Variants in BMPR1B observed in about 807,000 individuals in gnomAD.
The protein encoded by BMPR1B is bone morphogenetic protein receptor type-1B.
A neutral mutation model predicts 59.1 loss-of-function variants in BMPR1B; 12 were observed. The ratio of observed to expected loss-of-function variants is 0.20; its 90% confidence interval spans 0.13 to 0.33. The LOEUF is 0.33. Among genes scored for constraint, BMPR1B ranks in the 10% least tolerant of loss-of-function variants. The pLI is 1.00. For missense variants in BMPR1B, 550 were observed against 610.9 expected (o/e 0.90, Z 1.05); for synonymous variants, 237 against 207.3 (o/e 1.14, Z -1.23).
chr4:95,110,573 A>G (rs1019037612), intron 4 of BMPR1B, among the ~76,000 whole-genome samples: 1 of 152,170 alleles, frequency 6.6e-6, no homozygotes, highest in Non-Finnish European at 1.5e-5. Context: ...GGAATCCATC[A>G]TCTAAGATGA....
intron 1 of BMPR1B, among the ~76,000 whole-genome samples, chr4:94,818,314 A>G (rs772277427): frequency 5.9e-5 from 9 of 152,308 alleles, no homozygotes; most frequent in East Asian, 1.9e-4. Context: ...AGTATCTTAT[A>G]TATCTAATTC....
chr4:95,039,751 T>A (rs1476234441), intron 3 of BMPR1B, among the ~76,000 whole-genome samples: 1 of 152,118 alleles, frequency 6.6e-6, no homozygotes, highest in African/African-American at 2.4e-5. Context: ...CTTAAAACAT[T>A]ATGAGATTTT....
chr4:95,040,300 G>C (rs1725562424), intron 3 of BMPR1B, among the ~76,000 whole-genome samples: 1 of 152,184 alleles, frequency 6.6e-6, no homozygotes, highest in South Asian at 2.1e-4. Flanking sequence ...GTTTAGATAA[G>C]AGTGATACTT....
chr4:94,924,042 G>C (rs760508436), intron 2 of BMPR1B, among the ~76,000 whole-genome samples: 6 of 152,086 alleles, frequency 3.9e-5, no homozygotes, highest in Non-Finnish European at 8.8e-5. Context: ...TTGGGGGACT[G>C]TGATGTTCTC....
intron 2 of BMPR1B, among the ~76,000 whole-genome samples, chr4:94,910,193 C>T (rs954405518): frequency 6.6e-6 from 1 of 152,110 alleles, no homozygotes; most frequent in African/African-American, 2.4e-5. Flanking sequence ...TGCCTTGCAA[C>T]ACTAAGGTAG....
rs553999653 is a variant in BMPR1B at position 95,017,446 on chromosome 4, A to G, written c.-18+21312A>G. On this transcript the variant is annotated intron_variant, in intron 3 of 12. Coordinates refer to ENST00000515059, the MANE Select transcript of BMPR1B (RefSeq NM_001203.3). ...CTCTGCATGTTCATATCTAAAAGCA[A>G]TGTTAGTGTGGGCCATATGGGGCCT... 2.0e-4 allele frequency among the ~76,000 whole-genome samples: 31 copies of G among 152,294 alleles called. No individual in the cohort carries two copies. The South Asian group carries it at 3.5e-3, about 17-fold the overall frequency.
At chr4:95,023,735 G>T (rs2149140799) in intron 3 of BMPR1B, among the ~76,000 whole-genome samples, 1 of 152,108 alleles carries the variant, frequency 6.6e-6, no homozygotes, top group South Asian at 2.1e-4. Context: ...CAGATTTTTG[G>T]GTTCCCCAGC....
chr4:95,018,810 A>G (rs547878688), intron 3 of BMPR1B, among the ~76,000 whole-genome samples: 1 of 152,268 alleles, frequency 6.6e-6, no homozygotes, highest in South Asian at 2.1e-4. Context: ...TGGAACCTGA[A>G]CTGGAAGAGT....
rs70946577 is a variant in BMPR1B, at chr4:94,999,427, C to CGTGTGTGT, written c.-18+3310_-18+3317dup. Among the ~76,000 whole-genome samples the CGTGTGTGT allele has an allele frequency of 4.7e-5, 7 of 148,508 alleles. No homozygotes were observed. The South Asian group carries it at 1.3e-3, about 27-fold the overall frequency. On this transcript the variant is annotated intron_variant, in intron 3 of 12. Transcript: ENST00000515059. ...TTTTCTAGGACCAATCAGTGTTGTGCGTGTGTGTGTGTGTGTGTGTGTGTA... is the reference window on the plus strand; with the variant it reads ...TTTTCTAGGACCAATCAGTGTTGTGCGTGTGTGTGTGTGTGTGTGTGTGTGTGTGTGTA...
chr4:94,920,878 T>G (rs1043929498), intron 2 of BMPR1B, among the ~76,000 whole-genome samples: 1 of 152,166 alleles, frequency 6.6e-6, no homozygotes, highest in African/African-American at 2.4e-5. Context: ...AACTAAATAT[T>G]TTTATGTGTT....
intron 2 of BMPR1B, among the ~76,000 whole-genome samples, chr4:94,941,498 A>G (rs1239059296): frequency 6.6e-6 from 1 of 152,168 alleles, no homozygotes; most frequent in African/African-American, 2.4e-5. Flanking sequence ...GCAGTTGAAA[A>G]TAGTACAGTT....
At chr4:94,812,587 A>G (rs1324950230) in intron 1 of BMPR1B, among the ~76,000 whole-genome samples, 1 of 152,212 alleles carries the variant, frequency 6.6e-6, no homozygotes, top group Non-Finnish European at 1.5e-5. Flanking sequence ...CATTATATCA[A>G]TGAGATAATC....
chr4:95,023,046 T>C (rs1317073131), intron 3 of BMPR1B, among the ~76,000 whole-genome samples: 3 of 152,168 alleles, frequency 2.0e-5, no homozygotes, highest in Non-Finnish European at 2.9e-5. Context: ...ATACAGTACA[T>C]CTTTTTTTTA....
At chr4:95,121,828 A>G (rs1732552442) in intron 6 of BMPR1B, among the ~76,000 whole-genome samples, 1 of 152,198 alleles carries the variant, frequency 6.6e-6, no homozygotes, top group Non-Finnish European at 1.5e-5. Context: ...GTATGAAAAG[A>G]CTTAAAATAT....
intron 8 of BMPR1B, among the ~76,000 whole-genome samples, chr4:95,128,104 T>G (rs113993188): frequency 0.038 from 5,819 of 152,152 alleles, 167 homozygotes; most frequent in Middle Eastern, 0.099. Context: ...CAGGCTGGTC[T>G]TGAACTCCTG....
At chr4:94,855,995 C>T (rs967443252) in intron 1 of BMPR1B, among the ~76,000 whole-genome samples, 4 of 152,136 alleles carry the variant, frequency 2.6e-5, no homozygotes, top group African/African-American at 9.7e-5. Context: ...ACAGCCTCTT[C>T]CAGTTTTCTG....
chr4:94,876,148 T>C (rs1464940095), intron 2 of BMPR1B, among the ~76,000 whole-genome samples: 4 of 152,230 alleles, frequency 2.6e-5, no homozygotes, highest in Admixed American at 6.5e-5. Flanking sequence ...TGCTTTTCAT[T>C]TGAAATGTTG....
Position 95,129,342 on chromosome 4 carries a change from A to G in BMPR1B, c.586-520A>G, listed in dbSNP as rs1378325351. Among the ~76,000 whole-genome samples the G allele has an allele frequency of 2.6e-5, 4 of 151,864 alleles. No individual in the cohort carries two copies. The East Asian group carries it at 5.8e-4, about 22-fold the overall frequency. ...CTTTGCCCAGACGGCAGCTTGGTTT[A>G]TCGTTCCCTGGTCTGGTCTCAACTC... is the stretch of plus-strand genomic sequence containing the variant. On this transcript the variant is annotated intron_variant, in intron 8 of 12. Transcript: ENST00000515059.
chr4:95,154,477 A>C (rs1735269821), intron 12 of BMPR1B, 71 bp from the exon 13 acceptor site: 9 of 1,601,808 alleles, frequency 5.6e-6, no homozygotes, highest in African/African-American at 1.3e-5. Context: ...TGAACCTAAA[A>C]CTAAAAAGCT....
Sources: gnomAD v4.1 joint callset for allele counts (sites outside exome capture counted in the v4.1 genomes callset) on GRCh38, gnomAD v4.1.1 for gene constraint, MANE v1.5 for transcripts, NCBI Gene and HGNC (gene_info 2026-07-23, HGNC 2026-07-21) for gene names.